The following KDM3B variants were observed in gnomAD, a reference collection of about 807,000 sequenced individuals.
KDM3B encodes lysine demethylase 3B.
A neutral mutation model predicts 170.0 loss-of-function variants in KDM3B; 10 were observed. The ratio of observed to expected loss-of-function variants is 0.06; its 90% CI spans 0.04 to 0.10. The LOEUF (loss-of-function observed/expected upper bound fraction) is 0.10. KDM3B is among the 10% of genes least tolerant of loss of function. KDM3B has a pLI of 1.00. For synonymous variants in KDM3B, 831 were observed against 834.8 expected, an observed-to-expected ratio of 1.00 and a Z score of 0.08; for missense variants, 1,394 against 2,195.2, an observed-to-expected ratio of 0.64 and a Z score of 7.29.
chr5:138,400,790 C>A (rs1762664545), intron 11 of KDM3B, among the ~76,000 whole-genome samples: 1 of 152,002 alleles, frequency 6.6e-6, no homozygotes, highest in Non-Finnish European at 1.5e-5. Flanking sequence ...CAGCCATTAT[C>A]TAATTCCATT....
chr5:138,354,929 A>C (rs1761413356), intron 1 of KDM3B, among the ~76,000 whole-genome samples: 1 of 152,254 alleles, frequency 6.6e-6, no homozygotes, highest in African/African-American at 2.4e-5. Flanking sequence ...ACCAGCTTGC[A>C]AAATTGTTCA....
chr5:138,391,697 A>C lies in KDM3B; in HGVS notation c.2065A>C (p.Lys689Gln). The C allele has an allele frequency of 1.2e-6, 2 of 1,614,020 alleles. No individual in the cohort carries two copies. The highest frequency in any genetic ancestry group is 1.7e-6 in the Non-Finnish European group (2 of 1,180,016). ...TGCAGATTCGGCATCTTTAGCAAAG[A>C]AGAAACCCCTCTTCATTACAACTGA... ...SSADSASLAK[K>Q]KPLFITTDSS... Residue 689 changes from lysine to glutamine, a missense_variant, in exon 8 of 24, where the codon AAG (lysine) becomes CAG (glutamine). Lys to Gln is a moderately conservative substitution (Grantham distance 53). This residue lies in a region of KDM3B where 294 missense variants were observed against 311.7 expected (regional missense o/e 0.94). Transcript: ENST00000314358. This position sits in a 1 kb window ranked among gnomAD's most constrained non-coding sequence, Gnocchi z 5.0.
At chr5:138,360,691 C>T (rs1195219854) in intron 1 of KDM3B, among the ~76,000 whole-genome samples, 1 of 151,548 alleles carries the variant, frequency 6.6e-6, no homozygotes, top group Admixed American at 6.6e-5. Flanking sequence ...CCTGCCTCAG[C>T]CTCTTGAGTA....
intron 12 of KDM3B, among the ~76,000 whole-genome samples, chr5:138,416,303 C>T (rs2126985858): frequency 6.6e-6 from 1 of 151,606 alleles, no homozygotes; most frequent in East Asian, 2.0e-4. Context: ...GAAAGCTTTG[C>T]CACAGGCCAG....
At chr5:138,424,370 C>T in intron 16 of KDM3B, 29 bp downstream of exon 16, 8 of 1,598,908 alleles carry the variant, frequency 5.0e-6, no homozygotes, top group Non-Finnish European at 6.8e-6. Flanking sequence ...TTCCAAGGGC[C>T]AATTCTCTGC....
At chr5:138,384,628 A>G (rs1439052314) in intron 6 of KDM3B, among the ~76,000 whole-genome samples, 1 of 151,652 alleles carries the variant, frequency 6.6e-6, no homozygotes, top group Non-Finnish European at 1.5e-5. Context: ...AGTCCCAGCT[A>G]CTTGGGAGGC....
At chr5:138,379,280 C>T (rs1303317224) in intron 4 of KDM3B, among the ~76,000 whole-genome samples, 1 of 152,062 alleles carries the variant, frequency 6.6e-6, no homozygotes, top group African/African-American at 2.4e-5. Context: ...TGGAAGTTTC[C>T]TTTCCCTTCC....
intron 14 of KDM3B, among the ~76,000 whole-genome samples, chr5:138,419,516 G>A (rs992820126): frequency 1.3e-5 from 2 of 151,224 alleles, no homozygotes; most frequent in African/African-American, 4.9e-5. Context: ...TTAGCTGGGC[G>A]AGGTGGCGGG....
rs1761497031 is a variant in KDM3B, at chr5:138,358,020, A to G, written c.192+5033A>G. ...TTTATTTATTTATTTATTTAGAGAC[A>G]GAGTTTCACTCTTGTCGCCCAGGCT... On this transcript the variant is annotated intron_variant, in intron 1 of 23. Transcript: ENST00000314358. Among the ~76,000 whole-genome samples the G allele has an allele frequency of 2.0e-5, 3 of 147,426 alleles. No homozygotes were observed. The South Asian group carries it at 6.4e-4, about 32-fold the overall frequency.
chr5:138,357,906 G>A (rs901790479), intron 1 of KDM3B, among the ~76,000 whole-genome samples: 3 of 149,064 alleles, frequency 2.0e-5, no homozygotes, highest in African/African-American at 7.4e-5. Flanking sequence ...AGGCTGGTCT[G>A]GAACTCCTGA....
At chr5:138,362,551 TACAC>T (rs370412367) in intron 1 of KDM3B, among the ~76,000 whole-genome samples, 111 of 124,704 alleles carry the variant, frequency 8.9e-4, no homozygotes, top group African/African-American at 1.7e-3. Flanking sequence ...TATATGTGTA[TACAC>T]ACACACACAC....
In KDM3B at chr5:138,352,808, G is replaced by A. The variant is rs200772506; in HGVS notation, c.13G>A (p.Ala5Thr). 39,676 of 1,306,040 alleles carry A rather than the reference G, an allele frequency of 0.03. 755 individuals carry two copies. The highest frequency in any genetic ancestry group is 0.033 in the Non-Finnish European group (34,187 of 1,026,148). The allele number at this position is 1,306,040 out of a possible 1,614,324, so 80.9% of individuals were successfully genotyped here. The stretch of plus-strand genomic sequence containing the variant: ...GCCGGCCCCGGCGATGGCGGACGCG[G>A]CGGCCTCCCCGGTGGGCAAGCGGCT... MADA[A>T]ASPVGKRLLL... The change falls in exon 1 of 24, where the codon GCG (alanine) becomes ACG (threonine). Residue 5 changes from alanine (A) to threonine (T), a missense_variant. Coordinates refer to ENST00000314358, the MANE Select transcript of KDM3B (RefSeq NM_016604.4).
chr5:138,415,099 C>G, intron 11 of KDM3B, 33 bp from the exon 12 acceptor site: 1 of 1,473,352 alleles, frequency 6.8e-7, no homozygotes, highest in Non-Finnish European at 9.4e-7. Flanking sequence ...TTTTGTGACC[C>G]TTATAAAATA....
At position 138,419,323 on chromosome 5, in the gene KDM3B, T is replaced by C. The variant is rs1763192373; in HGVS notation, c.3715+91T>C. 5 of 1,394,664 alleles carry C rather than the reference T, an allele frequency of 3.6e-6. No homozygotes were observed. In the Admixed American group the frequency reaches 1.2e-4, roughly 32 times the overall value. The allele number at this position is 1,394,664 out of a possible 1,614,324, so 86.4% of individuals were successfully genotyped here. A position where few individuals can be genotyped will look rare whatever the true frequency, so the allele number is the denominator to read the frequency against. Reference sequence around the variant, plus strand: ...GAACTCACACATTACCATCCACATTTATGAAACATGCTACTTACTTTCTCT... The same window carrying C: ...GAACTCACACATTACCATCCACATTCATGAAACATGCTACTTACTTTCTCT... On this transcript the variant is annotated intron_variant, in intron 14 of 23. Coordinates refer to ENST00000314358, the MANE Select transcript of KDM3B (RefSeq NM_016604.4).
At chr5:138,396,341 C>T (rs573594411) in intron 9 of KDM3B, among the ~76,000 whole-genome samples, 41 of 151,816 alleles carry the variant, frequency 2.7e-4, no homozygotes, top group South Asian at 2.3e-3. Context: ...GTGATCCGCC[C>T]GCCTCAGCCT....
chr5:138,352,873 C>T lies in KDM3B; in HGVS notation c.78C>T (p.Ala26=). 1 of 1,378,230 alleles carries T rather than the reference C, an allele frequency of 7.3e-7. No homozygotes were observed. The highest frequency in any genetic ancestry group is 9.4e-7 in the Non-Finnish European group (1 of 1,062,730). 85.4% of individuals were successfully genotyped at this position (1,378,230 alleles called of 1,614,324 possible). ...LFADTAASAS[A]SAPAAAAASG... is the part of the protein sequence containing the mutation. ...CGGACACTGCGGCCTCAGCCTCGGC[C>T]TCGGCTCCCGCGGCGGCAGCGGCGA... Residue 26 remains alanine, a synonymous_variant, in exon 1 of 24, where the codon GCC becomes GCT. Transcript: ENST00000314358.
At chr5:138,430,031 T>C in intron 21 of KDM3B, 66 bp downstream of exon 21, 3 of 1,578,382 alleles carry the variant, frequency 1.9e-6, no homozygotes, top group Non-Finnish European at 2.6e-6. Flanking sequence ...AGACACCCTA[T>C]CTAGGGTTTC....
Position 138,426,960 on chromosome 5 carries a change from T to C in KDM3B, c.4412-15T>C. The C allele has an allele frequency of 6.2e-7, 1 of 1,606,220 alleles. No homozygotes were observed. The highest frequency in any genetic ancestry group is 2.2e-5 in the East Asian group (1 of 44,808). On this transcript the variant is annotated splice_polypyrimidine_tract_variant and intron_variant, in intron 17 of 23. Transcript: ENST00000314358. ...AAACCAGCAGATGTTTGTGGGAGTA[T>C]TCTCTGTCTTCCAGAACGACTACGG...
At chr5:138,384,799 A>G (rs1207270220) in intron 6 of KDM3B, among the ~76,000 whole-genome samples, 1 of 150,338 alleles carries the variant, frequency 6.7e-6, no homozygotes, top group African/African-American at 2.4e-5. Context: ...CTGTAGTCCC[A>G]GCTCCTGGGG....
Sources: allele counts gnomAD v4.1 joint callset (sites outside exome capture counted in the v4.1 genomes callset), GRCh38; gene constraint gnomAD v4.1.1; regional missense constraint gnomAD v4.1.1; non-coding constraint Gnocchi (gnomAD v3.1); transcripts MANE v1.5; gene names NCBI Gene and HGNC (gene_info 2026-07-23, HGNC 2026-07-21).